UBAP2L: variants seen among roughly 807,000 people sequenced by gnomAD.
The protein encoded by UBAP2L is ubiquitin associated protein 2 like.
UBAP2L carries 12 observed loss-of-function variants against 130.6 expected under a neutral mutation model. The observed-to-expected ratio is 0.09, with a 90% CI of 0.06 to 0.15. UBAP2L has a LOEUF of 0.15. Among genes scored for constraint, UBAP2L ranks in the 10% least tolerant of loss-of-function variants. The pLI is 1.00. For missense variants in UBAP2L, 965 were observed against 1,332.5 expected (o/e 0.72, Z 4.29); for synonymous variants, 503 against 524.7 (o/e 0.96, Z 0.57).
At chr1:154,232,405 T>C (rs1284268912) in intron 4 of UBAP2L, among the ~76,000 whole-genome samples, 2 of 152,172 alleles carry the variant, frequency 1.3e-5, no homozygotes, top group African/African-American at 2.4e-5. Flanking sequence ...TACAAAAATA[T>C]GTGTAAATCA....
intron 3 of UBAP2L, 137 bp downstream of exon 3, chr1:154,227,496 A>G: frequency 1.4e-6 from 1 of 696,610 alleles, no homozygotes; most frequent in Admixed American, 2.7e-5. Flanking sequence ...ATAATAGGTC[A>G]GGCCAATAAA....
intron 17 of UBAP2L, 63 bp from the exon 18 acceptor site, chr1:154,255,620 C>A: frequency 6.4e-7 from 1 of 1,552,820 alleles, no homozygotes; most frequent in Non-Finnish European, 8.9e-7. Context: ...ATGTTCTTGA[C>A]TGAAGCTCCA....
chr1:154,237,092 A>G lies in UBAP2L; in HGVS notation c.659A>G (p.Asn220Ser), dbSNP rs1050476672. ...TDDNYGNSSG[N>S]TWNNTGHFEP... ...GATAACTATGGCAATAGCAGCGGCA[A>G]TACGTGGAACAACACTGGCCACTTT... is the stretch of plus-strand genomic sequence containing the variant. The change falls in exon 8 of 27, where the codon AAT (asparagine) becomes AGT (serine). Residue 220 changes from asparagine to serine, a missense_variant. By Grantham distance (46) the Asn-to-Ser change is conservative. Transcript: ENST00000428931. 8.7e-6 allele frequency: 14 copies of G among 1,614,088 alleles called. No individual in the cohort carries two copies. The highest frequency in any genetic ancestry group is 1.3e-5 in the African/African-American group (1 of 74,940).
At chr1:154,255,634 C>A (rs1679369228) in intron 17 of UBAP2L, 49 bp from the exon 18 acceptor site, 3 of 1,584,984 alleles carry the variant, frequency 1.9e-6, no homozygotes, top group South Asian at 1.1e-5. Context: ...AGCTCCAGGT[C>A]ACGTAACTAT....
In UBAP2L at chr1:154,243,197, C is replaced by G. The variant is rs1236306709; in HGVS notation, c.757-20C>G. The G allele has an allele frequency of 1.9e-6, 3 of 1,596,464 alleles. No individual in the cohort carries two copies. In the Admixed American group the frequency reaches 5.0e-5, roughly 27 times the overall value. On this transcript the variant is annotated intron_variant, in intron 9 of 26. Transcript: ENST00000428931. ...GTAGCATCCCTGACACCAAGAGTGA[C>G]TAATCCCTCTGTTTTCCAGCTTTCT...
chr1:154,232,196 GC>G (rs1476796884), intron 4 of UBAP2L, among the ~76,000 whole-genome samples: 9 of 151,978 alleles, frequency 5.9e-5, no homozygotes, highest in Admixed American at 5.2e-4. Flanking sequence ...GCCTGGTGGT[GC>G]CCTGTAGTCC....
intron 18 of UBAP2L, 82 bp downstream of exon 18, chr1:154,255,837 T>A (rs1293235848): frequency 2.6e-6 from 4 of 1,544,440 alleles, no homozygotes; most frequent in Non-Finnish European, 3.6e-6. Flanking sequence ...GAGAGAATTA[T>A]TGAAAATTTC....
chr1:154,240,207 T>G (rs143932004), intron 8 of UBAP2L, among the ~76,000 whole-genome samples: 43 of 152,308 alleles, frequency 2.8e-4, no homozygotes, highest in African/African-American at 9.4e-4. Flanking sequence ...GGTGCTCTTG[T>G]CCCTTCTTCA....
chr1:154,231,612 T>C (rs1268414352), intron 4 of UBAP2L, among the ~76,000 whole-genome samples: 1 of 152,172 alleles, frequency 6.6e-6, no homozygotes, highest in Non-Finnish European at 1.5e-5. Context: ...TGTTTTCTAT[T>C]TCTATGAATT....
At position 154,253,974 on chromosome 1, in the gene UBAP2L, C is replaced by T. The variant is rs762338939; in HGVS notation, c.1739C>T (p.Thr580Ile). 1 of 1,614,048 alleles carries T rather than the reference C, an allele frequency of 6.2e-7. No individual in the cohort carries two copies. The highest frequency in any genetic ancestry group is 8.5e-7 in the Non-Finnish European group (1 of 1,180,000). The change falls in exon 15 of 27, where the codon ACC (threonine) becomes ATC (isoleucine). Residue 580 changes from threonine (T) to isoleucine (I), a missense_variant. By Grantham distance (89) the Thr-to-Ile change is moderately conservative. Coordinates refer to ENST00000428931, the MANE Select transcript of UBAP2L (RefSeq NM_014847.4). ...GYQSGPIQST[T>I]YTSQNNAQGP... ...CAGAGCGGCCCAATTCAGTCGACAA[C>T]CTATACCTCCCAAAATAATGCTCAG...
chr1:154,222,975 A>G (rs1479666279), intron 1 of UBAP2L, among the ~76,000 whole-genome samples: 1 of 152,136 alleles, frequency 6.6e-6, no homozygotes, highest in Non-Finnish European at 1.5e-5. Context: ...TTTATTTTCT[A>G]AGAAAGAGCA....
chr1:154,221,164 C>A lies in UBAP2L; in HGVS notation c.-41+189C>A, dbSNP rs914598117. The A allele has an allele frequency of 2.0e-5, 3 of 147,884 alleles. No homozygotes were observed. In the South Asian group the frequency reaches 5.8e-4, roughly 29 times the overall value. 9.2% of individuals were successfully genotyped at this position (147,884 alleles called of 1,614,324 possible). ...CACCGTGTGTTCCCCCACTGTACAC[C>A]CCCCCCCGAGTCATGCGAGCCCTGG... On this transcript the variant is annotated intron_variant, in intron 1 of 26. Transcript: ENST00000428931.
At chr1:154,263,847 G>A (rs1421251384) in intron 24 of UBAP2L, among the ~76,000 whole-genome samples, 1 of 152,188 alleles carries the variant, frequency 6.6e-6, no homozygotes, top group Non-Finnish European at 1.5e-5. Context: ...AAAAGAGAGA[G>A]TTTTCAGAGC....
At chr1:154,267,298 G>A (rs1448216659) in intron 25 of UBAP2L, among the ~76,000 whole-genome samples, 14 of 151,322 alleles carry the variant, frequency 9.3e-5, no homozygotes, top group Admixed American at 9.2e-4. Flanking sequence ...TGGGATTACA[G>A]GTGCCCACCA....
intron 24 of UBAP2L, chr1:154,263,244 C>T: frequency 6.5e-7 from 1 of 1,542,196 alleles, no homozygotes; most frequent in Non-Finnish European, 8.7e-7. Context: ...GGAGAGCCTG[C>T]TGAGCTGAGG....
At chr1:154,228,533 G>A (rs1668739033) in intron 3 of UBAP2L, 82 bp from the exon 4 acceptor site, 1 of 1,057,578 alleles carries the variant, frequency 9.5e-7, no homozygotes, top group African/African-American at 1.6e-5. Flanking sequence ...TCAACTGATA[G>A]CGTTTCCCTT....
rs755119232 is a variant in UBAP2L at position 154,268,958 on chromosome 1, A to G, written c.3168+4A>G. ...TCACCTGCAGCAGGATGGCCAGGTA[A>G]TAGCCCTTCCCCTTCTCTCCTTTCC... On this transcript the variant is annotated splice_donor_region_variant and intron_variant, in intron 26 of 26. Coordinates refer to ENST00000428931, the MANE Select transcript of UBAP2L (RefSeq NM_014847.4). 7 of 1,607,528 alleles carry G rather than the reference A, an allele frequency of 4.4e-6. No individual in the cohort carries two copies. Among genetic ancestry groups the G allele is most frequent in the South Asian group, 2.2e-5 (2 of 90,854 alleles).
intron 24 of UBAP2L, chr1:154,263,115 C>T: frequency 1.3e-6 from 2 of 1,551,460 alleles, no homozygotes; most frequent in Non-Finnish European, 1.7e-6. Context: ...AGAAAATATC[C>T]ACCCCCTTAC....
chr1:154,263,837 A>G (rs1014933357), intron 24 of UBAP2L, among the ~76,000 whole-genome samples: 1 of 152,202 alleles, frequency 6.6e-6, no homozygotes, highest in African/African-American at 2.4e-5. Context: ...GGTGAAAGGC[A>G]AAAGAGAGAG....
Sources: gnomAD v4.1 joint callset for allele counts (sites outside exome capture counted in the v4.1 genomes callset) on GRCh38, gnomAD v4.1.1 for gene constraint, MANE v1.5 for transcripts, NCBI Gene and HGNC (gene_info 2026-07-23, HGNC 2026-07-21) for gene names.